Variants in KDM1A observed in about 807,000 individuals in gnomAD.
The protein encoded by KDM1A is lysine-specific histone demethylase 1A.
KDM1A carries 49 observed loss-of-function variants against 109.4 expected under a neutral mutation model. That is an observed-to-expected ratio of 0.45 (90% CI 0.36 to 0.57). The LOEUF is 0.57. Ranked by LOEUF, KDM1A falls within the 20% of genes least tolerant of loss-of-function variation. The pLI, the probability that KDM1A is intolerant of heterozygous loss-of-function variation, is 0.00. For missense variants in KDM1A, 668 were observed against 1,116.6 expected (o/e 0.60, Z 5.73); for synonymous variants, 380 against 415.4 (o/e 0.91, Z 1.04).
Position 23,039,009 on chromosome 1 carries a change from T to A in KDM1A, c.518-5418T>A, listed in dbSNP as rs150580352. Among the ~76,000 whole-genome samples, 407 of 152,332 alleles carry A rather than the reference T, an allele frequency of 2.7e-3. 4 individuals are homozygous for A. Among genetic ancestry groups the A allele is most frequent in the African/African-American group, 9.1e-3 (377 of 41,578 alleles). ...ACAGGTGTGAGCCACTGTCAATTCC[T>A]TTTTGAAACTGTGACTTTCCTTATG... On this transcript the variant is annotated intron_variant, in intron 2 of 20. Coordinates refer to ENST00000400181, the MANE Select transcript of KDM1A (RefSeq NM_001009999.3).
At chr1:23,038,754 G>C (rs1642224135) in intron 2 of KDM1A, among the ~76,000 whole-genome samples, 1 of 152,170 alleles carries the variant, frequency 6.6e-6, no homozygotes, top group South Asian at 2.1e-4. Flanking sequence ...TGTTCTTTCA[G>C]CAGTTCAGTG....
intron 5 of KDM1A, among the ~76,000 whole-genome samples, chr1:23,054,695 T>G (rs1001342836): frequency 3.9e-5 from 6 of 152,150 alleles, no homozygotes; most frequent in African/African-American, 1.4e-4. Flanking sequence ...GGTACAGTCA[T>G]AGCTCCCTGT....
chr1:23,037,129 TACACACAC>T lies in KDM1A; in HGVS notation c.517+6511_517+6518del, dbSNP rs59175262. ...CCATCTCCACTAAAAAAAATATATA[TACACACAC>T]ACACACACACACACAAATTAGCCGG... On this transcript the variant is annotated intron_variant, in intron 2 of 20. Coordinates refer to ENST00000400181, the MANE Select transcript of KDM1A (RefSeq NM_001009999.3). Among the ~76,000 whole-genome samples, 67 of 147,734 alleles carry T rather than the reference TACACACAC, an allele frequency of 4.5e-4. 1 individual carries two copies. Among genetic ancestry groups the T allele is most frequent in the Non-Finnish European group, 2.7e-4 (18 of 66,884 alleles).
At chr1:23,081,282 T>C in intron 18 of KDM1A, 164 bp from the exon 19 acceptor site, 1 of 772,190 alleles carries the variant, frequency 1.3e-6, no homozygotes, top group Non-Finnish European at 2.1e-6. Context: ...CAAAGAGTTC[T>C]GTATGCTGTT....
chr1:23,077,423 A>C, intron 16 of KDM1A, 63 bp downstream of exon 16: 1 of 1,528,408 alleles, frequency 6.5e-7, no homozygotes, highest in East Asian at 2.3e-5. Flanking sequence ...ATCTTTTGTT[A>C]GGTGCGACCT....
At chr1:23,031,064 T>A (rs2124374596) in intron 2 of KDM1A, among the ~76,000 whole-genome samples, 1 of 152,360 alleles carries the variant, frequency 6.6e-6, no homozygotes, top group African/African-American at 2.4e-5. Flanking sequence ...AGATACTTTC[T>A]GATAAAACTT....
At chr1:23,022,425 T>TC (rs1367373995) in intron 1 of KDM1A, among the ~76,000 whole-genome samples, 4 of 151,236 alleles carry the variant, frequency 2.6e-5, no homozygotes, top group Non-Finnish European at 5.9e-5. Flanking sequence ...AACATCCGCC[T>TC]CCAAGGTTCA....
At chr1:23,073,529 T>C in intron 15 of KDM1A, 126 bp downstream of exon 15, 1 of 630,260 alleles carries the variant, frequency 1.6e-6, no homozygotes, top group South Asian at 2.0e-5. Context: ...TACAGTGAAA[T>C]TCACCTATTT....
At chr1:23,029,742 C>T (rs531013513) in intron 1 of KDM1A, among the ~76,000 whole-genome samples, 6 of 152,252 alleles carry the variant, frequency 3.9e-5, no homozygotes, top group Non-Finnish European at 7.4e-5. Context: ...CAGGTTCAAG[C>T]GATTCTCCTG....
At chr1:23,062,256 C>T (rs1334033110) in intron 9 of KDM1A, among the ~76,000 whole-genome samples, 1 of 152,144 alleles carries the variant, frequency 6.6e-6, no homozygotes, top group Non-Finnish European at 1.5e-5. Flanking sequence ...GTATGCACCT[C>T]TTTCTAACTG....
At chr1:23,064,290 G>C (rs1643099913) in intron 9 of KDM1A, among the ~76,000 whole-genome samples, 1 of 152,210 alleles carries the variant, frequency 6.6e-6, no homozygotes, top group Non-Finnish European at 1.5e-5. Context: ...ATCTGAATTA[G>C]AGACTCTTCA....
In KDM1A at chr1:23,083,478, G is replaced by C. The variant is rs1643681370; in HGVS notation, c.*114G>C. 2 of 1,019,936 alleles carry C rather than the reference G, an allele frequency of 2.0e-6. No homozygotes were observed. Among genetic ancestry groups the C allele is most frequent in the Admixed American group, 2.8e-5 (1 of 35,528 alleles). 63.2% of individuals were successfully genotyped at this position (1,019,936 alleles called of 1,614,324 possible). A position where few individuals can be genotyped will look rare whatever the true frequency, so the allele number is the denominator to read the frequency against. ...AATCCACCCTGGCATCTGGGCTCCTGATCAGCTGATGGAGCTCCTGATTTG... is the reference window on the plus strand; with the variant it reads ...AATCCACCCTGGCATCTGGGCTCCTCATCAGCTGATGGAGCTCCTGATTTG... On this transcript the variant is annotated 3_prime_UTR_variant, in exon 21 of 21. Coordinates refer to ENST00000400181, the MANE Select transcript of KDM1A (RefSeq NM_001009999.3).
intron 4 of KDM1A, among the ~76,000 whole-genome samples, chr1:23,053,102 A>G (rs1437398958): frequency 1.3e-5 from 2 of 152,172 alleles, no homozygotes; most frequent in Non-Finnish European, 2.9e-5. Flanking sequence ...CAACCTCGAC[A>G]TATCTAGTTG....
chr1:23,080,238 T>C (rs530041657), intron 18 of KDM1A, among the ~76,000 whole-genome samples: 10 of 152,174 alleles, frequency 6.6e-5, no homozygotes, highest in Non-Finnish European at 1.2e-4. Flanking sequence ...TACTCCTCAC[T>C]GCCCAGTGGT....
chr1:23,052,707 CA>C (rs1313549082), intron 4 of KDM1A, among the ~76,000 whole-genome samples: 2 of 152,158 alleles, frequency 1.3e-5, no homozygotes, highest in African/African-American at 2.4e-5. Context: ...TTCTGAAACA[CA>C]GTACTTCCTT....
intron 2 of KDM1A, among the ~76,000 whole-genome samples, chr1:23,040,094 A>G (rs574285908): frequency 6.6e-6 from 1 of 152,328 alleles, no homozygotes; most frequent in South Asian, 2.1e-4. Context: ...AAATTTGGCC[A>G]TTTTGGTAAA....
chr1:23,073,342 C>G lies in KDM1A; in HGVS notation c.1673C>G (p.Ala558Gly). The change falls in exon 15 of 21, where the codon GCA (alanine) becomes GGA (glycine). Residue 558 changes from alanine (A) to glycine (G), a missense_variant. Transcript: ENST00000400181. ...RDRQILDWHF[A>G]NLEFANATPL... ...AGACAAATACTTGATTGGCATTTTGCAAATCTTGAATTTGCTAATGCCACA... is the reference window on the plus strand; with the variant it reads ...AGACAAATACTTGATTGGCATTTTGGAAATCTTGAATTTGCTAATGCCACA... The G allele has an allele frequency of 6.2e-7, 1 of 1,612,610 alleles. No homozygotes were observed. The highest frequency in any genetic ancestry group is 8.5e-7 in the Non-Finnish European group (1 of 1,179,068).
chr1:23,053,810 C>T lies in KDM1A; in HGVS notation c.761C>T (p.Thr254Ile). Residue 254 changes from threonine (T) to isoleucine (I), a missense_variant, in exon 5 of 21, where the codon ACT (threonine) becomes ATT (isoleucine). Transcript: ENST00000400181. ...NPKIQLTFEA[T>I]LQQLEAPYNS... The stretch of plus-strand genomic sequence containing the variant: ...AAGATTCAGCTGACATTTGAGGCTA[C>T]TCTCCAACAATTAGAAGCACCTTAT... 1.2e-6 allele frequency: 2 copies of T among 1,607,960 alleles called. No homozygotes were observed. The highest frequency in any genetic ancestry group is 2.2e-5 in the South Asian group (2 of 90,974).
chr1:23,078,503 C>T (rs1437071115), intron 16 of KDM1A, among the ~76,000 whole-genome samples: 1 of 152,206 alleles, frequency 6.6e-6, no homozygotes, highest in Non-Finnish European at 1.5e-5. Context: ...CTGAGAATCA[C>T]TGTGCATTCT....
Sources: gnomAD v4.1 joint callset for allele counts (sites outside exome capture counted in the v4.1 genomes callset) on GRCh38, gnomAD v4.1.1 for gene constraint, MANE v1.5 for transcripts, NCBI Gene and HGNC (gene_info 2026-07-23, HGNC 2026-07-21) for gene names.